STK32B: variants seen among roughly 807,000 people sequenced by gnomAD.
STK32B encodes serine/threonine kinase 32B, also known as serine/threonine-protein kinase 32B.
STK32B carries 43 observed loss-of-function variants against 52.6 expected under a neutral mutation model. The ratio of observed to expected loss-of-function variants is 0.82; its 90% CI spans 0.64 to 1.05. STK32B has a LOEUF of 1.05. Among genes scored for constraint, STK32B ranks in the 50% least tolerant of loss-of-function variants. The pLI is 0.00. For missense variants in STK32B, 621 were observed against 534.6 expected (o/e 1.16, Z -1.59); for synonymous variants, 238 against 204.3 (o/e 1.17, Z -1.41).
At chr4:5,309,776 T>A (rs1264345589) in intron 3 of STK32B, among the ~76,000 whole-genome samples, 1 of 152,224 alleles carries the variant, frequency 6.6e-6, no homozygotes, top group Non-Finnish European at 1.5e-5. Context: ...TCTGTGAAAC[T>A]TCTGGAAGAA....
chr4:5,262,455 C>T (rs1367759530), intron 3 of STK32B, among the ~76,000 whole-genome samples: 1 of 145,432 alleles, frequency 6.9e-6, no homozygotes, highest in Non-Finnish European at 1.5e-5. Context: ...GAAACCCCGT[C>T]TCTACTAAAA....
At position 5,499,370 on chromosome 4, in the gene STK32B, T is replaced by G. The variant is rs557065600; in HGVS notation, c.*287T>G. 63 of 368,990 alleles carry G rather than the reference T, an allele frequency of 1.7e-4. No homozygotes were observed. Among genetic ancestry groups the G allele is most frequent in the Admixed American group, 4.1e-4 (9 of 21,800 alleles). 22.9% of individuals were successfully genotyped at this position (368,990 alleles called of 1,614,324 possible). A position where few individuals can be genotyped will look rare whatever the true frequency, so the allele number is the denominator to read the frequency against. ...TTACAAGATTATGGGGAGAACCCAA[T>G]TAGGTAGGAAACATGAAAAACCTTT... On this transcript the variant is annotated 3_prime_UTR_variant, in exon 12 of 12. Transcript: ENST00000282908.
chr4:5,160,204 G>A (rs1018215424), intron 2 of STK32B, among the ~76,000 whole-genome samples: 1 of 152,130 alleles, frequency 6.6e-6, no homozygotes, highest in African/African-American at 2.4e-5. Flanking sequence ...GGCCCTTCTT[G>A]GGCCGCTTTG....
intron 1 of STK32B, among the ~76,000 whole-genome samples, chr4:5,108,485 A>G (rs1412217597): frequency 4.6e-5 from 7 of 152,196 alleles, no homozygotes; most frequent in Non-Finnish European, 1.0e-4. Flanking sequence ...GATCTCATAA[A>G]ACACGTTGGG....
intron 1 of STK32B, among the ~76,000 whole-genome samples, chr4:5,071,120 G>A (rs75773981): frequency 4.6e-5 from 7 of 152,242 alleles, no homozygotes; most frequent in East Asian, 1.9e-4. Flanking sequence ...AGTAGAAGAC[G>A]AGGAGACACT....
chr4:5,087,927 C>T (rs1379155221), intron 1 of STK32B, among the ~76,000 whole-genome samples: 1 of 151,932 alleles, frequency 6.6e-6, no homozygotes, highest in South Asian at 2.1e-4. Flanking sequence ...AAGACTTGAA[C>T]AATATAAATG....
chr4:5,364,319 A>G (rs1036671839), intron 4 of STK32B, among the ~76,000 whole-genome samples: 2 of 152,168 alleles, frequency 1.3e-5, no homozygotes, highest in African/African-American at 2.4e-5. Flanking sequence ...CATATCTGTT[A>G]TTATTATTAT....
Position 5,468,077 on chromosome 4 carries a change from CCTT to C in STK32B, c.1106+9_1106+11del. Reference sequence around the variant, plus strand: ...TCATATTCAACAGAGAGAAGTAAGTCCTTCATACTGTCCCCCTTGGGCAAAGCC... The same window carrying C: ...TCATATTCAACAGAGAGAAGTAAGTCCATACTGTCCCCCTTGGGCAAAGCC... On this transcript the variant is annotated splice_region_variant and intron_variant, in intron 11 of 11. Coordinates refer to ENST00000282908, the MANE Select transcript of STK32B (RefSeq NM_018401.3). 1 of 1,613,806 alleles carries C rather than the reference CCTT, an allele frequency of 6.2e-7. No individual in the cohort carries two copies. The highest frequency in any genetic ancestry group is 1.7e-5 in the Admixed American group (1 of 60,028).
intron 4 of STK32B, among the ~76,000 whole-genome samples, chr4:5,334,908 T>G (rs1187640416): frequency 5.3e-5 from 8 of 151,984 alleles, no homozygotes; most frequent in South Asian, 2.1e-4. Flanking sequence ...TTTGCATCAA[T>G]GTTCATCAAG....
At chr4:5,329,421 C>T (rs1286599883) in intron 3 of STK32B, among the ~76,000 whole-genome samples, 1 of 152,180 alleles carries the variant, frequency 6.6e-6, no homozygotes, top group Non-Finnish European at 1.5e-5. Context: ...TGCTGTTTCT[C>T]TCTCTGTCTG....
chr4:5,028,637 G>A, the STK32B span, among the ~76,000 whole-genome samples: 1 of 152,162 alleles, frequency 6.6e-6, no homozygotes, highest in Non-Finnish European at 1.5e-5. Context: ...TCATGTGGTT[G>A]ATGCTCTATC....
chr4:5,098,238 A>G (rs1713510910), intron 1 of STK32B, among the ~76,000 whole-genome samples: 1 of 152,244 alleles, frequency 6.6e-6, no homozygotes, highest in Non-Finnish European at 1.5e-5. Flanking sequence ...TGTTAAAGAC[A>G]GTGATTTGGA....
chr4:5,487,048 C>G (rs995991202), intron 11 of STK32B, among the ~76,000 whole-genome samples: 1 of 152,190 alleles, frequency 6.6e-6, no homozygotes, highest in South Asian at 2.1e-4. Flanking sequence ...TCAGTTTTTA[C>G]AAGTTCCCTT....
intron 3 of STK32B, among the ~76,000 whole-genome samples, chr4:5,312,437 C>A (rs57124781): frequency 6.7e-6 from 1 of 149,328 alleles, no homozygotes; most frequent in African/African-American, 2.5e-5. Context: ...TCCCTCCCCC[C>A]TCCCCACACC....
chr4:5,430,779 T>G (rs1006991305), intron 6 of STK32B, among the ~76,000 whole-genome samples: 3 of 152,218 alleles, frequency 2.0e-5, no homozygotes, highest in African/African-American at 7.2e-5. Flanking sequence ...CTGTGGTTAT[T>G]TTCAAAATAC....
At chr4:5,189,514 T>A (rs1392098637) in intron 3 of STK32B, among the ~76,000 whole-genome samples, 2 of 152,234 alleles carry the variant, frequency 1.3e-5, no homozygotes, top group Admixed American at 6.5e-5. Flanking sequence ...CAAGTAATAT[T>A]CCATTATCTG....
chr4:5,359,718 G>A (rs1734422558), intron 4 of STK32B, among the ~76,000 whole-genome samples: 2 of 152,172 alleles, frequency 1.3e-5, no homozygotes, highest in South Asian at 2.1e-4. Context: ...GAGGGGTGAG[G>A]TGGCAACATT....
chr4:5,227,740 C>T (rs939130605), intron 3 of STK32B, among the ~76,000 whole-genome samples: 1 of 152,154 alleles, frequency 6.6e-6, no homozygotes, highest in Non-Finnish European at 1.5e-5. Context: ...TATGTACTTT[C>T]TATTTTGTCA....
chr4:5,070,784 G>A (rs904601957), intron 1 of STK32B, among the ~76,000 whole-genome samples: 1 of 152,132 alleles, frequency 6.6e-6, no homozygotes, highest in African/African-American at 2.4e-5. Context: ...AACAGAACAT[G>A]CAGCCTTTTA....
Sources: gnomAD v4.1 joint callset for allele counts (sites outside exome capture counted in the v4.1 genomes callset) on GRCh38, gnomAD v4.1.1 for gene constraint, MANE v1.5 for transcripts, NCBI Gene and HGNC (gene_info 2026-07-23, HGNC 2026-07-21) for gene names.